The following AFF1 variants were observed in gnomAD, a reference collection of about 807,000 sequenced individuals.
AFF1 encodes AF4/FMR2 family member 1.
AFF1 carries 48 observed loss-of-function variants against 121.7 expected under a neutral mutation model. That is an observed-to-expected ratio of 0.39 (90% CI 0.31 to 0.50). The LOEUF (loss-of-function observed/expected upper bound fraction) is 0.50, where lower values mean the gene tolerates loss of function less well. Ranked by LOEUF, AFF1 falls within the 20% of genes least tolerant of loss-of-function variation. The probability of loss-of-function intolerance (pLI) is 0.76; values close to 1 mark genes in which losing one functional copy is unlikely to be tolerated. For synonymous variants in AFF1, 613 were observed against 563.0 expected (o/e 1.09, Z -1.26); for missense variants, 1,523 against 1,511.7 (o/e 1.01, Z -0.12).
At chr4:86,949,743 C>G in intron 2 of AFF1, 1 of 1,608,376 alleles carries the variant, frequency 6.2e-7, no homozygotes, top group Non-Finnish European at 8.5e-7. Context: ...CGGTGCTTGC[C>G]CTTGGCCCAG....
At chr4:87,000,605 C>CTGTGTGTG (rs57615388) in intron 2 of AFF1, among the ~76,000 whole-genome samples, 13,728 of 146,292 alleles carry the variant, frequency 0.094, 754 homozygotes, top group East Asian at 0.21. Flanking sequence ...AAAATAAACT[C>CTGTGTGTG]TGTGTGTGTG....
intron 4 of AFF1, among the ~76,000 whole-genome samples, chr4:87,052,334 G>T (rs1731350850): frequency 6.6e-6 from 1 of 152,170 alleles, no homozygotes; most frequent in African/African-American, 2.4e-5. Context: ...GATCACTTGA[G>T]CCTGAGAGGC....
intron 8 of AFF1, among the ~76,000 whole-genome samples, chr4:87,098,216 G>C (rs1725070091): frequency 1.3e-5 from 2 of 152,178 alleles, no homozygotes; most frequent in Non-Finnish European, 2.9e-5. Flanking sequence ...TAGCAACGTG[G>C]TAGAAGGATG....
At chr4:87,060,884 C>T (rs946615756) in intron 4 of AFF1, among the ~76,000 whole-genome samples, 1 of 117,278 alleles carries the variant, frequency 8.5e-6, no homozygotes, top group Non-Finnish European at 2.0e-5. Context: ...AAAACAACAA[C>T]AAAAAAACGG....
intron 2 of AFF1, among the ~76,000 whole-genome samples, chr4:87,023,199 C>T (rs1042084367): frequency 6.6e-6 from 1 of 152,162 alleles, no homozygotes; most frequent in Non-Finnish European, 1.5e-5. Flanking sequence ...CTGTGCCCAG[C>T]AGACTGAAAT....
chr4:86,966,917 C>G (rs1016425111), intron 2 of AFF1, among the ~76,000 whole-genome samples: 6 of 152,186 alleles, frequency 3.9e-5, no homozygotes, highest in Non-Finnish European at 7.3e-5. Flanking sequence ...AGCCCTTTAT[C>G]CCCTGGGCCT....
At chr4:86,948,235 C>T (rs1238748983) in intron 1 of AFF1, among the ~76,000 whole-genome samples, 1 of 151,718 alleles carries the variant, frequency 6.6e-6, no homozygotes, top group East Asian at 1.9e-4. Context: ...TCCTTTTCTC[C>T]TCCCCCTCCT....
chr4:87,001,516 C>T (rs952421935), intron 2 of AFF1, among the ~76,000 whole-genome samples: 9 of 152,026 alleles, frequency 5.9e-5, no homozygotes, highest in Non-Finnish European at 1.3e-4. Context: ...GCGCCCGGCT[C>T]GTGCTTTTCT....
chr4:86,988,073 T>C (rs1459046949), intron 2 of AFF1, among the ~76,000 whole-genome samples: 3 of 151,494 alleles, frequency 2.0e-5, no homozygotes, highest in Non-Finnish European at 4.4e-5. Context: ...TACATACTTA[T>C]GGAGTTACAT....
At chr4:87,127,139 T>C (rs761416169) in intron 15 of AFF1, 22 bp downstream of exon 15, 57 of 1,581,678 alleles carry the variant, frequency 3.6e-5, no homozygotes, top group Non-Finnish European at 4.4e-5. Flanking sequence ...GATGATTTCT[T>C]CTTGCTCTGT....
chr4:87,091,051 A>G (rs1175214952), intron 6 of AFF1, among the ~76,000 whole-genome samples: 3 of 144,634 alleles, frequency 2.1e-5, no homozygotes, highest in Non-Finnish European at 3.0e-5. Flanking sequence ...AAAAGGTTCT[A>G]TCTACAAAAA....
chr4:87,000,127 TATAA>T (rs1478843618), intron 2 of AFF1, among the ~76,000 whole-genome samples: 5 of 152,206 alleles, frequency 3.3e-5, no homozygotes, highest in Admixed American at 1.3e-4. Context: ...AGCATGCTCA[TATAA>T]ATAAATAATT....
intron 2 of AFF1, among the ~76,000 whole-genome samples, chr4:87,017,734 C>A (rs764371344): frequency 2.0e-5 from 3 of 152,124 alleles, no homozygotes; most frequent in Non-Finnish European, 2.9e-5. Context: ...CTAAGTGAAG[C>A]GTCTGGAAAT....
rs189649547 is a variant in AFF1, at chr4:87,015,370, A to G, written c.39-30796A>G. On this transcript the variant is annotated intron_variant, in intron 2 of 20. Coordinates refer to ENST00000395146, the MANE Select transcript of AFF1 (RefSeq NM_001166693.3). ...ACATTTACTGGCATTAGAATAGCAA[A>G]AGGATAAAATGAAACCTAGTGTATT... is the stretch of plus-strand genomic sequence containing the variant. Among the ~76,000 whole-genome samples the G allele has an allele frequency of 7.9e-5, 12 of 152,342 alleles. No homozygotes were observed. In the East Asian group the frequency reaches 2.3e-3, roughly 29 times the overall value.
intron 4 of AFF1, among the ~76,000 whole-genome samples, chr4:87,065,845 GT>G (rs1721300916): frequency 6.6e-6 from 1 of 152,068 alleles, no homozygotes; most frequent in African/African-American, 2.4e-5. Context: ...CTTAATAAAT[GT>G]TTTTGGTACT....
At chr4:87,018,589 C>T (rs1688010700) in intron 2 of AFF1, among the ~76,000 whole-genome samples, 1 of 152,138 alleles carries the variant, frequency 6.6e-6, no homozygotes, top group African/African-American at 2.4e-5. Context: ...CATCATGGCT[C>T]ACTGCAACCT....
At chr4:87,055,507 G>A (rs1720027506) in intron 4 of AFF1, among the ~76,000 whole-genome samples, 1 of 152,112 alleles carries the variant, frequency 6.6e-6, no homozygotes, top group African/African-American at 2.4e-5. Flanking sequence ...GATGGTTATT[G>A]GATCCCCCTG....
intron 5 of AFF1, among the ~76,000 whole-genome samples, chr4:87,088,578 G>A (rs975606004): frequency 8.6e-5 from 13 of 151,230 alleles, no homozygotes; most frequent in African/African-American, 2.4e-4. Flanking sequence ...CTGTGGGGTC[G>A]CAGATTGCTG....
intron 2 of AFF1, among the ~76,000 whole-genome samples, chr4:86,965,486 G>A (rs62306461): frequency 0.027 from 4,065 of 152,278 alleles, 74 homozygotes; most frequent in Non-Finnish European, 0.035. Flanking sequence ...GAAGGGTATA[G>A]CCTGTAGAGG....
Sources: allele counts gnomAD v4.1 joint callset (sites outside exome capture counted in the v4.1 genomes callset), GRCh38; gene constraint gnomAD v4.1.1; transcripts MANE v1.5; gene names NCBI Gene and HGNC (gene_info 2026-07-23, HGNC 2026-07-21).